The following NEK11 variants were observed in gnomAD, a reference collection of about 807,000 sequenced individuals.
The protein encoded by NEK11 is serine/threonine-protein kinase Nek11.
In NEK11, 72 loss-of-function variants were observed where a neutral mutation model predicts 80.7. That is an observed-to-expected ratio of 0.89 (90% CI 0.74 to 1.08). The LOEUF is 1.08. NEK11 is among the 50% of genes least tolerant of loss of function. NEK11 has a pLI of 0.00. For synonymous variants in NEK11, 251 were observed against 260.7 expected (o/e 0.96, Z 0.36); for missense variants, 764 against 763.6 (o/e 1.00, Z -0.01).
chr3:131,115,958 C>CTTTCTT (rs2081091919), intron 5 of NEK11, among the ~76,000 whole-genome samples: 2 of 139,448 alleles, frequency 1.4e-5, no homozygotes, highest in Non-Finnish European at 3.1e-5. Flanking sequence ...TTCTTTCTTT[C>CTTTCTT]TTTCTTTCTT....
intron 16 of NEK11, among the ~76,000 whole-genome samples, chr3:131,266,119 G>A (rs1183347180): frequency 6.6e-6 from 1 of 151,902 alleles, no homozygotes; most frequent in Non-Finnish European, 1.5e-5. Flanking sequence ...TTCTTTATTA[G>A]TCTGGCTAGC....
intron 14 of NEK11, among the ~76,000 whole-genome samples, chr3:131,183,208 G>A (rs759824434): frequency 2.0e-5 from 3 of 152,250 alleles, no homozygotes; most frequent in Non-Finnish European, 4.4e-5. Flanking sequence ...CTTTAGCTCT[G>A]TGCCATGTTT....
At chr3:131,339,462 C>G (rs2110328726) in intron 17 of NEK11, among the ~76,000 whole-genome samples, 1 of 152,300 alleles carries the variant, frequency 6.6e-6, no homozygotes, top group East Asian at 1.9e-4. Flanking sequence ...CTTAGAGTGT[C>G]TAACGGGGCT....
chr3:131,118,218 T>A (rs2081649612), intron 5 of NEK11, among the ~76,000 whole-genome samples: 1 of 152,226 alleles, frequency 6.6e-6, no homozygotes, highest in African/African-American at 2.4e-5. Context: ...CTTTTCTGCA[T>A]CTATTGAGAT....
intron 5 of NEK11, among the ~76,000 whole-genome samples, chr3:131,115,944 T>TTC (rs1553878303): frequency 4.1e-5 from 5 of 121,642 alleles, no homozygotes; most frequent in African/African-American, 1.2e-4. Flanking sequence ...CTTTCTTTCT[T>TTC]TCTTTCTTTC....
chr3:131,087,683 G>A (rs12636925), intron 4 of NEK11, among the ~76,000 whole-genome samples: 13,691 of 152,148 alleles, frequency 0.09, 1,127 homozygotes, highest in East Asian at 0.43. Flanking sequence ...CCAAGTAAGC[G>A]GGTTGAGTTT....
Position 131,074,392 on chromosome 3 carries a change from A to G in NEK11, c.171-6031A>G, listed in dbSNP as rs143346443. Reference sequence around the variant, plus strand: ...ATGAACCTGACAGTTTTACAGTTTTATATGTCTCTTAAAAAATACTCCTCC... The same window carrying G: ...ATGAACCTGACAGTTTTACAGTTTTGTATGTCTCTTAAAAAATACTCCTCC... On this transcript the variant is annotated intron_variant, in intron 3 of 17. Coordinates refer to ENST00000383366, the MANE Select transcript of NEK11 (RefSeq NM_024800.5). 3.4e-3 allele frequency among the ~76,000 whole-genome samples: 511 copies of G among 152,272 alleles called. 1 individual carries two copies. Among genetic ancestry groups the G allele is most frequent in the African/African-American group, 0.012 (486 of 41,550 alleles).
Position 131,168,887 on chromosome 3 carries a change from T to C in NEK11, c.1234T>C (p.Ser412Pro), listed in dbSNP as rs114780172. The change falls in exon 13 of 18, where the codon TCT becomes CCT. Residue 412 changes from serine to proline, a missense_variant. Coordinates refer to ENST00000383366, the MANE Select transcript of NEK11 (RefSeq NM_024800.5). ...GGAGGAGCAACCTGAGGGAAGACTTTCTTGTTCACCCCAGGACGAGGATGA... is the reference window on the plus strand; with the variant it reads ...GGAGGAGCAACCTGAGGGAAGACTTCCTTGTTCACCCCAGGACGAGGATGA... ...EKEEQPEGRL[S>P]CSPQDEDEER... 5.7e-4 allele frequency: 927 copies of C among 1,614,036 alleles called. 1 individual carries two copies. The African/African-American group carries it at 0.011, about 19-fold the overall frequency.
intron 16 of NEK11, among the ~76,000 whole-genome samples, chr3:131,264,321 T>C (rs2096001334): frequency 1.3e-5 from 2 of 152,258 alleles, no homozygotes; most frequent in Non-Finnish European, 2.9e-5. Flanking sequence ...GCCTAGGTTT[T>C]CTTCTAGGAT....
chr3:131,076,403 T>C (rs2074362640), intron 3 of NEK11, among the ~76,000 whole-genome samples: 1 of 152,204 alleles, frequency 6.6e-6, no homozygotes, highest in African/African-American at 2.4e-5. Context: ...TTATGTTGTG[T>C]TTTTAAATTT....
intron 3 of NEK11, among the ~76,000 whole-genome samples, chr3:131,038,703 G>T (rs533938567): frequency 9.2e-5 from 14 of 152,258 alleles, no homozygotes; most frequent in African/African-American, 3.4e-4. Flanking sequence ...CATTACTGTT[G>T]TTTGAAAGAA....
At chr3:131,144,323 G>T (rs2087662866) in intron 7 of NEK11, among the ~76,000 whole-genome samples, 2 of 152,024 alleles carry the variant, frequency 1.3e-5, no homozygotes, top group South Asian at 4.1e-4. Flanking sequence ...TTTGGAAAAA[G>T]AAAGAAATGC....
At chr3:131,265,761 A>G (rs747419296) in intron 16 of NEK11, among the ~76,000 whole-genome samples, 4 of 152,104 alleles carry the variant, frequency 2.6e-5, no homozygotes, top group Non-Finnish European at 5.9e-5. Flanking sequence ...CTCTTTTTCT[A>G]TCGTTTGGAA....
At chr3:131,158,497 C>T (rs2091074156) in intron 10 of NEK11, among the ~76,000 whole-genome samples, 1 of 152,174 alleles carries the variant, frequency 6.6e-6, no homozygotes, top group Admixed American at 6.5e-5. Flanking sequence ...CCTGTACCAA[C>T]ACTGCTGCTA....
At chr3:131,256,075 A>G (rs72991533) in intron 16 of NEK11, among the ~76,000 whole-genome samples, 19,380 of 152,196 alleles carry the variant, frequency 0.13, 1,784 homozygotes, top group East Asian at 0.3. Context: ...GAGGAAGATA[A>G]GAAGAGATTG....
intron 3 of NEK11, among the ~76,000 whole-genome samples, chr3:131,030,642 C>T (rs950017334): frequency 2.0e-5 from 3 of 152,124 alleles, no homozygotes; most frequent in South Asian, 4.1e-4. Context: ...TTTCAAATTC[C>T]GTAGTCAGAA....
chr3:131,186,035 T>C (rs553146817), intron 14 of NEK11, among the ~76,000 whole-genome samples: 38 of 152,158 alleles, frequency 2.5e-4, no homozygotes, highest in Non-Finnish European at 5.0e-4. Context: ...TACACAAAGC[T>C]GAGCACAGCA....
chr3:131,053,841 T>A (rs2068855315), intron 3 of NEK11: 1 of 152,262 alleles, frequency 6.6e-6, no homozygotes, highest in Non-Finnish European at 1.5e-5. Context: ...TGGGATATGC[T>A]TTAAATATTT....
At chr3:131,130,101 AT>A (rs966357347) in intron 5 of NEK11, among the ~76,000 whole-genome samples, 4 of 151,716 alleles carry the variant, frequency 2.6e-5, no homozygotes, top group East Asian at 1.9e-4. Flanking sequence ...TTCTTCTTTG[AT>A]TTTTTTTCAT....
Sources: gnomAD v4.1 joint callset for allele counts (sites outside exome capture counted in the v4.1 genomes callset) on GRCh38, gnomAD v4.1.1 for gene constraint, MANE v1.5 for transcripts, NCBI Gene and HGNC (gene_info 2026-07-23, HGNC 2026-07-21) for gene names.